The following DOCK3 variants were observed in gnomAD, a reference collection of about 807,000 sequenced individuals.
DOCK3 encodes the protein dedicator of cytokinesis protein 3.
A neutral mutation model predicts 265.6 loss-of-function variants in DOCK3; 60 were observed. The observed-to-expected ratio is 0.23, with a 90% CI of 0.18 to 0.28. The LOEUF is 0.28. Ranked by LOEUF, DOCK3 falls within the 10% of genes least tolerant of loss-of-function variation. The pLI is 1.00. For synonymous variants in DOCK3, 881 were observed against 938.0 expected, an observed-to-expected ratio of 0.94 and a Z score of 1.11; for missense variants, 1,981 against 2,594.3, an observed-to-expected ratio of 0.76 and a Z score of 5.14.
rs1315656653 is a variant in DOCK3, at chr3:51,064,556, G to T, written c.424G>T (p.Val142Phe). The T allele has an allele frequency of 1.9e-6, 3 of 1,613,976 alleles. No individual in the cohort carries two copies. The highest frequency in any genetic ancestry group is 2.2e-5 in the East Asian group (1 of 44,868). ...CCTGACTCAGGATCAGGTGCGGGAG[G>T]TTAAGCGGCACATCACCGTGCGCCT... ...GHLTQDQVREVKRHITVRLDW... is the reference protein window; with the variant it reads ...GHLTQDQVREFKRHITVRLDW... Residue 142 changes from valine to phenylalanine, a missense_variant, in exon 6 of 53, where the codon GTT becomes TTT. Physicochemically the swap from Val to Phe is conservative, Grantham distance 50. Transcript: ENST00000266037.
chr3:51,312,710 C>A, intron 30 of DOCK3, 134 bp downstream of exon 30: 3 of 1,237,302 alleles, frequency 2.4e-6, no homozygotes, highest in Non-Finnish European at 2.3e-6. Context: ...GGAGTTCAGT[C>A]GAGAGCCCAA....
At chr3:51,187,794 A>G (rs1484438577) in intron 12 of DOCK3, among the ~76,000 whole-genome samples, 1 of 139,538 alleles carries the variant, frequency 7.2e-6, no homozygotes, top group Non-Finnish European at 1.5e-5. Context: ...CTTGTAAGAT[A>G]TGACTTGCTC....
rs921471854 is a variant in DOCK3 at position 51,196,209 on chromosome 3, T to C, written c.1038-12565T>C. Among the ~76,000 whole-genome samples, 9 of 152,178 alleles carry C rather than the reference T, an allele frequency of 5.9e-5. No individual in the cohort carries two copies. In the South Asian group the frequency reaches 6.2e-4, roughly 10 times the overall value. The stretch of plus-strand genomic sequence containing the variant: ...CCTCAGCCTCCCAAAGTGCTGTGAT[T>C]ACAGGCATGAGCCACTGCATTTGGC... On this transcript the variant is annotated intron_variant, in intron 12 of 52. Transcript: ENST00000266037.
intron 4 of DOCK3, chr3:50,901,766 C>A (rs1337547493): frequency 2.3e-6 from 1 of 440,652 alleles, no homozygotes; most frequent in East Asian, 7.0e-5. Context: ...GAGGCGACAC[C>A]CTACCCTGCT....
intron 4 of DOCK3, chr3:50,901,001 A>G: frequency 2.6e-6 from 1 of 386,182 alleles, no homozygotes; most frequent in Non-Finnish European, 5.0e-6. Context: ...AGCTTGAGCA[A>G]TGTGCTGGGA....
chr3:50,908,361 T>C (rs1045871786), intron 4 of DOCK3, among the ~76,000 whole-genome samples: 2 of 152,122 alleles, frequency 1.3e-5, no homozygotes, highest in African/African-American at 4.8e-5. Flanking sequence ...TGTGGACATT[T>C]AGTGTTATAA....
At chr3:51,329,885 A>T (rs1291132694) in intron 32 of DOCK3, among the ~76,000 whole-genome samples, 1 of 152,186 alleles carries the variant, frequency 6.6e-6, no homozygotes, top group African/African-American at 2.4e-5. Flanking sequence ...TTTTGCCCTT[A>T]GATTGGAAAG....
At chr3:50,865,974 A>T (rs1450514403) in intron 3 of DOCK3, among the ~76,000 whole-genome samples, 3 of 152,140 alleles carry the variant, frequency 2.0e-5, no homozygotes, top group Non-Finnish European at 4.4e-5. Context: ...GTGTGTTCAA[A>T]TCTTTTGCCC....
chr3:51,339,207 A>T (rs2085076086), intron 37 of DOCK3, among the ~76,000 whole-genome samples, 179 bp downstream of exon 37: 1 of 152,156 alleles, frequency 6.6e-6, no homozygotes, highest in Non-Finnish European at 1.5e-5. Flanking sequence ...TGGTAGAGAG[A>T]AAGCAGGCAG....
At chr3:50,779,160 G>T (rs1282436197) in intron 2 of DOCK3, among the ~76,000 whole-genome samples, 1 of 151,998 alleles carries the variant, frequency 6.6e-6, no homozygotes, top group East Asian at 1.9e-4. Context: ...AATTATTGCT[G>T]ACTGTAGTCA....
intron 4 of DOCK3, among the ~76,000 whole-genome samples, chr3:50,890,409 A>T (rs2048585481): frequency 6.6e-6 from 1 of 152,098 alleles, no homozygotes; most frequent in Non-Finnish European, 1.5e-5. Flanking sequence ...TTGTTTTTAC[A>T]AAGTGAAAGA....
At chr3:51,251,457 C>T (rs2079233418) in intron 22 of DOCK3, among the ~76,000 whole-genome samples, 2 of 152,250 alleles carry the variant, frequency 1.3e-5, no homozygotes, top group African/African-American at 4.8e-5. Flanking sequence ...GTCTTTTCCA[C>T]AATGGTTGGA....
intron 9 of DOCK3, among the ~76,000 whole-genome samples, chr3:51,116,698 C>T (rs1428921957): frequency 6.6e-6 from 1 of 151,930 alleles, no homozygotes; most frequent in East Asian, 1.9e-4. Flanking sequence ...AGTTGTATTC[C>T]TGGGCATTTT....
chr3:51,155,822 A>G (rs1251153856), intron 10 of DOCK3, among the ~76,000 whole-genome samples: 2 of 152,216 alleles, frequency 1.3e-5, no homozygotes, highest in African/African-American at 4.8e-5. Context: ...CAAATGTGTG[A>G]AAGTATATCT....
intron 5 of DOCK3, among the ~76,000 whole-genome samples, chr3:51,027,439 G>A (rs950672280): frequency 6.6e-6 from 1 of 151,546 alleles, no homozygotes; most frequent in Non-Finnish European, 1.5e-5. Context: ...TTTTAGGTGG[G>A]GTATTCTGTA....
intron 21 of DOCK3, among the ~76,000 whole-genome samples, chr3:51,238,434 G>A (rs756816961): frequency 5.3e-5 from 8 of 151,946 alleles, no homozygotes; most frequent in South Asian, 2.1e-4. Flanking sequence ...GAGCCACCGC[G>A]CCTGGCTGGG....
chr3:50,957,078 T>C (rs2076751879), intron 5 of DOCK3, among the ~76,000 whole-genome samples: 1 of 152,184 alleles, frequency 6.6e-6, no homozygotes, highest in Non-Finnish European at 1.5e-5. Flanking sequence ...GAGTATTTTA[T>C]ATTAATCAGT....
chr3:51,285,515 T>C (rs1576653973), intron 27 of DOCK3, among the ~76,000 whole-genome samples: 1 of 151,560 alleles, frequency 6.6e-6, no homozygotes, highest in African/African-American at 2.4e-5. Context: ...AAGAATACTC[T>C]AAACTGAAAA....
intron 2 of DOCK3, among the ~76,000 whole-genome samples, chr3:50,830,374 G>A (rs988835058): frequency 7.9e-5 from 12 of 152,178 alleles, no homozygotes; most frequent in African/African-American, 2.9e-4. Flanking sequence ...GAGAAATTGT[G>A]CTTATCTTCT....
Sources: allele counts gnomAD v4.1 joint callset (sites outside exome capture counted in the v4.1 genomes callset), GRCh38; gene constraint gnomAD v4.1.1; transcripts MANE v1.5; gene names NCBI Gene and HGNC (gene_info 2026-07-23, HGNC 2026-07-21).